CNBD1: variants seen among roughly 807,000 people sequenced by gnomAD.
CNBD1 encodes cyclic nucleotide binding domain containing 1.
In CNBD1, 71 loss-of-function variants were observed where a neutral mutation model predicts 54.4. That is an observed-to-expected ratio of 1.30 (90% confidence interval 1.08 to 1.59). The LOEUF (loss-of-function observed/expected upper bound fraction) is 1.59. Ranked by LOEUF, CNBD1 falls within the 40% of genes most tolerant of loss-of-function variation. The pLI, the probability that CNBD1 is intolerant of heterozygous loss-of-function variation, is 0.00. For synonymous variants in CNBD1, 182 were observed against 170.7 expected, an observed-to-expected ratio of 1.07 and a Z score of -0.51; for missense variants, 659 against 518.0, an observed-to-expected ratio of 1.27 and a Z score of -2.64.
At chr8:86,994,790 G>A (rs1808832660) in intron 4 of CNBD1, among the ~76,000 whole-genome samples, 1 of 152,090 alleles carries the variant, frequency 6.6e-6, no homozygotes, top group Admixed American at 6.5e-5. Context: ...GCTCAAAGTA[G>A]GTTGGTTTTG....
rs376612567 is a variant in CNBD1, at chr8:87,120,655, G to A, written c.432-85338G>A. Among the ~76,000 whole-genome samples, 4 of 151,672 alleles carry A rather than the reference G, an allele frequency of 2.6e-5. No individual in the cohort carries two copies. In the South Asian group the frequency reaches 6.2e-4, roughly 24 times the overall value. Reference sequence around the variant, plus strand: ...CTTGTGGTACAGTGTTAGATTGTTCGTTTGCCCCAATCTTTTTGCTTTTTT... The same window carrying A: ...CTTGTGGTACAGTGTTAGATTGTTCATTTGCCCCAATCTTTTTGCTTTTTT... On this transcript the variant is annotated intron_variant, in intron 4 of 10. Coordinates refer to ENST00000518476, the MANE Select transcript of CNBD1 (RefSeq NM_173538.3).
chr8:87,196,756 G>T (rs1813730614), intron 4 of CNBD1, among the ~76,000 whole-genome samples: 1 of 152,160 alleles, frequency 6.6e-6, no homozygotes, highest in Non-Finnish European at 1.5e-5. Flanking sequence ...GGTTTGAGGT[G>T]ATCACTGGGA....
chr8:87,254,474 T>A (rs1385776171), intron 6 of CNBD1, among the ~76,000 whole-genome samples: 1 of 152,240 alleles, frequency 6.6e-6, no homozygotes, highest in Non-Finnish European at 1.5e-5. Flanking sequence ...TTTCTTTGGA[T>A]GGCCCAACAC....
chr8:87,036,079 G>C (rs1463101478), intron 4 of CNBD1, among the ~76,000 whole-genome samples: 1 of 152,136 alleles, frequency 6.6e-6, no homozygotes. Flanking sequence ...CTGTGGAGAA[G>C]GGGAGATAGA....
chr8:87,016,956 G>A (rs183022951), intron 4 of CNBD1, among the ~76,000 whole-genome samples: 3 of 152,214 alleles, frequency 2.0e-5, no homozygotes, highest in South Asian at 2.1e-4. Context: ...CACCTAATAC[G>A]TCTGTTACCC....
At chr8:87,415,982 C>CA (rs957491539) in intron 2 of CNBD1, among the ~76,000 whole-genome samples, 22 of 151,216 alleles carry the variant, frequency 1.5e-4, no homozygotes, top group African/African-American at 5.1e-4. Context: ...TGGACATTAA[C>CA]AAAAAAAATT....
intron 3 of CNBD1, among the ~76,000 whole-genome samples, chr8:86,927,711 C>T (rs370420290): frequency 6.6e-6 from 1 of 152,034 alleles, no homozygotes; most frequent in Admixed American, 6.6e-5. Flanking sequence ...TGTAATGATA[C>T]AATAAAATGA....
chr8:87,329,475 C>T lies in CNBD1; in HGVS notation c.1043-22210C>T, dbSNP rs572358134. Among the ~76,000 whole-genome samples the T allele has an allele frequency of 3.9e-3, 594 of 152,124 alleles. 8 individuals are homozygous for T. Among genetic ancestry groups the T allele is most frequent in the African/African-American group, 0.013 (560 of 41,520 alleles). ...AATTTTAATTGATATTGCATAGCAT[C>T]TGTATATTATTTTGGGAAAGTCTAA... On this transcript the variant is annotated intron_variant, in intron 8 of 10. Transcript: ENST00000518476.
At chr8:87,362,819 A>G (rs1189086275) in intron 10 of CNBD1, among the ~76,000 whole-genome samples, 1 of 152,094 alleles carries the variant, frequency 6.6e-6, no homozygotes, top group Non-Finnish European at 1.5e-5. Flanking sequence ...ATAGGTTATT[A>G]TAGGTGATTT....
chr8:87,017,108 G>C (rs74404471), intron 4 of CNBD1, among the ~76,000 whole-genome samples: 1 of 152,098 alleles, frequency 6.6e-6, no homozygotes, highest in Non-Finnish European at 1.5e-5. Flanking sequence ...TGGGAACCCC[G>C]ACCCTTTTCA....
At chr8:87,285,125 A>G (rs1200953049) in intron 7 of CNBD1, among the ~76,000 whole-genome samples, 1 of 152,090 alleles carries the variant, frequency 6.6e-6, no homozygotes, top group Non-Finnish European at 1.5e-5. Flanking sequence ...TGTGTTTTGC[A>G]TGTCCGCAGC....
intron 5 of CNBD1, among the ~76,000 whole-genome samples, chr8:87,220,038 A>ATTTTTT (rs1314241399): frequency 6.6e-6 from 1 of 152,046 alleles, no homozygotes. Context: ...GCAAAATAAC[A>ATTTTTT]TTTTTGAAAA....
intron 5 of CNBD1, among the ~76,000 whole-genome samples, chr8:87,206,847 C>T (rs540894470): frequency 6.6e-6 from 1 of 152,028 alleles, no homozygotes; most frequent in Non-Finnish European, 1.5e-5. Context: ...ATGAGGACCC[C>T]GAGGCACAAA....
chr8:87,277,302 A>C (rs570507393), intron 6 of CNBD1, among the ~76,000 whole-genome samples: 6 of 151,802 alleles, frequency 4.0e-5, no homozygotes, highest in Admixed American at 3.3e-4. Context: ...CTTTTATGCT[A>C]TACAGGCCTT....
chr8:87,176,692 T>C (rs2943166), intron 4 of CNBD1, among the ~76,000 whole-genome samples: 34,306 of 150,062 alleles, frequency 0.23, 4,062 homozygotes, highest in Admixed American at 0.29. Context: ...GGTTTCTCCA[T>C]GTTGGCCAGG....
intron 6 of CNBD1, among the ~76,000 whole-genome samples, chr8:87,240,268 A>AAAAG (rs1807668187): frequency 6.6e-6 from 1 of 152,206 alleles, no homozygotes; most frequent in South Asian, 2.1e-4. Context: ...AATAATTATT[A>AAAAG]AAAGAACTTT....
At chr8:87,145,617 A>T (rs1177240669) in intron 4 of CNBD1, among the ~76,000 whole-genome samples, 5 of 152,326 alleles carry the variant, frequency 3.3e-5, no homozygotes, top group Admixed American at 1.3e-4. Flanking sequence ...AAACCATAGC[A>T]TATAAGATGG....
rs1006971813 is a variant in CNBD1, at chr8:87,321,971, A to C, written c.1043-29714A>C. On this transcript the variant is annotated intron_variant, in intron 8 of 10. Transcript: ENST00000518476. ...CTCCCCGCTCCCCCCACCCCACCAC[A>C]GTCCCCAGAGTGTGATATTCCCCTT... Among the ~76,000 whole-genome samples, 103 of 142,342 alleles carry C rather than the reference A, an allele frequency of 7.2e-4. 1 individual carries two copies. Among genetic ancestry groups the C allele is most frequent in the African/African-American group, 2.7e-3 (101 of 38,090 alleles). 93.4% of individuals were successfully genotyped at this position (142,342 alleles called of 152,430 possible).
intron 2 of CNBD1, among the ~76,000 whole-genome samples, chr8:87,412,530 C>T (rs572210257): frequency 6.6e-6 from 1 of 152,084 alleles, no homozygotes; most frequent in Non-Finnish European, 1.5e-5. Context: ...AATTATTTCC[C>T]GAATGCACAT....
Sources: allele counts gnomAD v4.1 joint callset (sites outside exome capture counted in the v4.1 genomes callset), GRCh38; gene constraint gnomAD v4.1.1; transcripts MANE v1.5; gene names NCBI Gene and HGNC (gene_info 2026-07-23, HGNC 2026-07-21).